MAGI2: variants seen among roughly 807,000 people sequenced by gnomAD.
MAGI2 encodes membrane associated guanylate kinase, WW and PDZ domain containing 2.
Under a neutral mutation model 133.3 loss-of-function variants are expected in MAGI2, and 35 were observed. The ratio of observed to expected loss-of-function variants is 0.26; its 90% CI spans 0.20 to 0.35. The LOEUF (loss-of-function observed/expected upper bound fraction) is 0.35. Ranked by LOEUF, MAGI2 falls within the 10% of genes least tolerant of loss-of-function variation. The probability of loss-of-function intolerance (pLI) is 1.00; values close to 1 mark genes in which losing one functional copy is unlikely to be tolerated. For synonymous variants in MAGI2, 729 were observed against 710.6 expected (o/e 1.03, Z -0.41); for missense variants, 1,636 against 1,863.4 (o/e 0.88, Z 2.25).
chr7:78,497,053 C>T (rs568949884), intron 5 of MAGI2, among the ~76,000 whole-genome samples: 2 of 152,134 alleles, frequency 1.3e-5, no homozygotes, highest in African/African-American at 4.8e-5. Context: ...TAAGGTAACG[C>T]GAATACACCC....
chr7:78,919,722 G>A (rs920044465), intron 2 of MAGI2, among the ~76,000 whole-genome samples: 3 of 152,090 alleles, frequency 2.0e-5, no homozygotes, highest in Non-Finnish European at 2.9e-5. Flanking sequence ...GTTTTGCTGA[G>A]CTTACACTAA....
intron 9 of MAGI2, among the ~76,000 whole-genome samples, chr7:78,291,179 C>G (rs185216647): frequency 6.6e-6 from 1 of 151,722 alleles, no homozygotes; most frequent in Non-Finnish European, 1.5e-5. Context: ...ACTGATAGAC[C>G]GCTAGCAAGA....
At chr7:78,524,597 G>A (rs1796793921) in intron 3 of MAGI2, among the ~76,000 whole-genome samples, 2 of 152,094 alleles carry the variant, frequency 1.3e-5, no homozygotes, top group Non-Finnish European at 2.9e-5. Context: ...TCGGCAAAGT[G>A]GATAATATAT....
At chr7:78,307,956 C>G (rs1798378702) in intron 9 of MAGI2, among the ~76,000 whole-genome samples, 1 of 151,974 alleles carries the variant, frequency 6.6e-6, no homozygotes, top group Non-Finnish European at 1.5e-5. Flanking sequence ...TAATAAGGGA[C>G]AATTCAAATG....
intron 16 of MAGI2, among the ~76,000 whole-genome samples, chr7:78,137,646 G>T (rs1395967249): frequency 6.6e-6 from 1 of 152,176 alleles, no homozygotes; most frequent in African/African-American, 2.4e-5. Context: ...CTTCAGTTAT[G>T]AAAGAGATGT....
In MAGI2 at chr7:78,082,698, G is replaced by T. The variant is rs556650516; in HGVS notation, c.3568-3613C>A. ...GGAAAAAACATTTCTAGGGGCTGGT[G>T]GTGGTTAGGTAATGGAACGAAAATG... On this transcript the variant is annotated intron_variant, in intron 20 of 21. Coordinates refer to ENST00000354212, the MANE Select transcript of MAGI2 (RefSeq NM_012301.4). Among the ~76,000 whole-genome samples the T allele has an allele frequency of 7.2e-4, 109 of 152,240 alleles. 1 individual carries two copies. The highest frequency in any genetic ancestry group is 2.5e-3 in the African/African-American group (105 of 41,548).
chr7:78,527,022 A>AAAAAAAAAAAAAAAAAAAAAAAAAAC (rs1797023799), intron 3 of MAGI2, among the ~76,000 whole-genome samples: 1 of 148,372 alleles, frequency 6.7e-6, no homozygotes, highest in Non-Finnish European at 1.5e-5. Flanking sequence ...AAAAAAAAAA[A>AAAAAAAAAAAAAAAAAAAAAAAAAAC]AAAAAAAAAA....
chr7:79,285,811 T>C (rs1835959378), intron 1 of MAGI2, among the ~76,000 whole-genome samples: 1 of 152,094 alleles, frequency 6.6e-6, no homozygotes, highest in African/African-American at 2.4e-5. Flanking sequence ...TTGAGGTAGT[T>C]CTTTAAAGTA....
At chr7:79,357,976 G>A (rs2129118607) in intron 1 of MAGI2, among the ~76,000 whole-genome samples, 1 of 152,146 alleles carries the variant, frequency 6.6e-6, no homozygotes, top group South Asian at 2.1e-4. Flanking sequence ...CAAATTGAGT[G>A]CATTCTGTTT....
At chr7:78,819,103 C>T (rs1433875139) in intron 2 of MAGI2, among the ~76,000 whole-genome samples, 1 of 152,006 alleles carries the variant, frequency 6.6e-6, no homozygotes, top group African/African-American at 2.4e-5. Flanking sequence ...GCCAAGCCAC[C>T]AGAGACCCAC....
chr7:78,535,877 C>A lies in MAGI2; in HGVS notation c.539-14232G>T, dbSNP rs75263772. ...GCTCATCTAGTCTTGTGTACACCCCCCCCGCCCACCGCCTCCCCCCAACAC... is the reference window on the plus strand; with the variant it reads ...GCTCATCTAGTCTTGTGTACACCCCACCCGCCCACCGCCTCCCCCCAACAC... On this transcript the variant is annotated intron_variant, in intron 3 of 21. Coordinates refer to ENST00000354212, the MANE Select transcript of MAGI2 (RefSeq NM_012301.4). Among the ~76,000 whole-genome samples, 9 of 77,508 alleles carry A rather than the reference C, an allele frequency of 1.2e-4. No homozygotes were observed. In the East Asian group the frequency reaches 1.7e-3, roughly 15 times the overall value. The allele number at this position is 77,508 out of a possible 152,430, so 50.8% of individuals were successfully genotyped here.
At chr7:79,263,068 C>G (rs1834192530) in intron 1 of MAGI2, among the ~76,000 whole-genome samples, 3 of 152,128 alleles carry the variant, frequency 2.0e-5, no homozygotes, top group Non-Finnish European at 4.4e-5. Flanking sequence ...AGTAGACAAC[C>G]ATGTGATTTG....
chr7:79,295,554 G>T (rs9648981), intron 1 of MAGI2, among the ~76,000 whole-genome samples: 150,270 of 151,874 alleles, frequency 0.99, 74,366 homozygotes, highest in Middle Eastern at 1. Flanking sequence ...GTCGAGTCAA[G>T]GGAAAATGGT....
intron 1 of MAGI2, among the ~76,000 whole-genome samples, chr7:79,230,305 C>T (rs1831250181): frequency 6.6e-6 from 1 of 151,806 alleles, no homozygotes; most frequent in African/African-American, 2.4e-5. Flanking sequence ...GGGTATATAC[C>T]CAGTAATGGG....
rs1813297794 is a variant in MAGI2, at chr7:78,664,271, C to G, written c.419-37032G>C. On this transcript the variant is annotated intron_variant, in intron 2 of 21. Transcript: ENST00000354212. ...CTCCTTTCACCAGTAGTTATCCTCA[C>G]CAGTTATATACAGCACTAACATTTA... Among the ~76,000 whole-genome samples the G allele has an allele frequency of 3.3e-5, 5 of 152,146 alleles. No individual in the cohort carries two copies. In the South Asian group the frequency reaches 1.0e-3, roughly 32 times the overall value.
intron 10 of MAGI2, among the ~76,000 whole-genome samples, chr7:78,243,701 G>A (rs950889138): frequency 6.6e-6 from 1 of 152,044 alleles, no homozygotes; most frequent in Non-Finnish European, 1.5e-5. Flanking sequence ...TGAAAACTTT[G>A]GGGGATCATG....
intron 1 of MAGI2, among the ~76,000 whole-genome samples, chr7:79,306,883 G>A (rs1232421001): frequency 6.6e-6 from 1 of 151,506 alleles, no homozygotes; most frequent in Non-Finnish European, 1.5e-5. Flanking sequence ...GTGTGATCTT[G>A]GCTTACTGTA....
At chr7:78,479,250 TAAA>T (rs1792105658) in intron 6 of MAGI2, among the ~76,000 whole-genome samples, 1 of 151,972 alleles carries the variant, frequency 6.6e-6, no homozygotes, top group Admixed American at 6.6e-5. Flanking sequence ...TTGGGTTCCT[TAAA>T]TAGTTTTTGT....
intron 21 of MAGI2, among the ~76,000 whole-genome samples, chr7:78,034,703 T>C (rs575531467): frequency 6.6e-6 from 1 of 152,208 alleles, no homozygotes; most frequent in South Asian, 2.1e-4. Context: ...AATTTTTGTA[T>C]TTTTAGTAGA....
Sources: allele counts gnomAD v4.1 joint callset (sites outside exome capture counted in the v4.1 genomes callset), GRCh38; gene constraint gnomAD v4.1.1; transcripts MANE v1.5; gene names NCBI Gene and HGNC (gene_info 2026-07-23, HGNC 2026-07-21).